PTPRN2: variants seen among roughly 807,000 people sequenced by gnomAD.
PTPRN2 encodes the protein protein tyrosine phosphatase receptor type N2, also known as receptor-type tyrosine-protein phosphatase N2.
PTPRN2 carries 74 observed loss-of-function variants against 118.8 expected under a neutral mutation model. The ratio of observed to expected loss-of-function variants is 0.62; its 90% CI spans 0.52 to 0.76. The LOEUF (loss-of-function observed/expected upper bound fraction) is 0.76. PTPRN2 is among the 30% of genes least tolerant of loss of function. The pLI is 0.00. For missense variants in PTPRN2, 1,481 were observed against 1,394.4 expected (o/e 1.06, Z -0.99); for synonymous variants, 641 against 608.0 (o/e 1.05, Z -0.80).
In PTPRN2 at chr7:157,938,964, A is replaced by C. The variant is rs538104985; in HGVS notation, c.1724-40227T>G. On this transcript the variant is annotated intron_variant, in intron 11 of 22. Transcript: ENST00000389418. The stretch of plus-strand genomic sequence containing the variant: ...AGCAAACTTCTTGTCCATGATCCAC[A>C]CGGGCTACGAGCCCCTGCAGTGCCT... Among the ~76,000 whole-genome samples the C allele has an allele frequency of 9.2e-5, 14 of 152,304 alleles. No homozygotes were observed. In the East Asian group the frequency reaches 2.3e-3, roughly 25 times the overall value.
At chr7:158,392,123 G>A (rs1811974326) in intron 2 of PTPRN2, among the ~76,000 whole-genome samples, 1 of 152,192 alleles carries the variant, frequency 6.6e-6, no homozygotes, top group Non-Finnish European at 1.5e-5. Flanking sequence ...ACAATGGCCA[G>A]GCTGGGGCTT....
At chr7:157,580,626 CCCTGCACACCCCAGCA>C (rs1563230945) in intron 17 of PTPRN2, among the ~76,000 whole-genome samples, 6 of 111,944 alleles carry the variant, frequency 5.4e-5, no homozygotes, top group African/African-American at 1.7e-4. Context: ...ACACCCCAGC[CCCTGCACACCCCAGCA>C]CCTGCACACC....
intron 3 of PTPRN2, among the ~76,000 whole-genome samples, chr7:158,271,485 G>A (rs1586072545): frequency 6.6e-6 from 1 of 152,224 alleles, no homozygotes; most frequent in East Asian, 1.9e-4. Context: ...CCAAAACTGT[G>A]GGACTCTCAG....
intron 13 of PTPRN2, among the ~76,000 whole-genome samples, chr7:157,677,822 T>A (rs537580129): frequency 1.3e-5 from 2 of 152,346 alleles, no homozygotes; most frequent in South Asian, 4.1e-4. Context: ...GGCACCAGCG[T>A]GACAACCATT....
intron 1 of PTPRN2, among the ~76,000 whole-genome samples, chr7:158,514,695 GT>G (rs1459449323): frequency 6.6e-6 from 1 of 152,218 alleles, no homozygotes; most frequent in Non-Finnish European, 1.5e-5. Context: ...GCATGCAGCT[GT>G]TTACTGGAAT....
At chr7:158,460,924 C>T (rs74820107) in intron 2 of PTPRN2, among the ~76,000 whole-genome samples, 2 of 152,346 alleles carry the variant, frequency 1.3e-5, no homozygotes, top group East Asian at 3.9e-4. Context: ...CGTGTGCACG[C>T]TGGCAGCTAG....
intron 9 of PTPRN2, among the ~76,000 whole-genome samples, chr7:158,113,869 G>A (rs1218540067): frequency 2.6e-5 from 4 of 152,162 alleles, no homozygotes; most frequent in Admixed American, 2.6e-4. Context: ...CTGGGGCACA[G>A]GCCGCCTTCC....
At position 158,587,700 on chromosome 7, in the gene PTPRN2, A is replaced by G. The variant is rs1435620795; in HGVS notation, c.-31T>C. 5.1e-6 allele frequency: 6 copies of G among 1,179,792 alleles called. No individual in the cohort carries two copies. Among genetic ancestry groups the G allele is most frequent in the Non-Finnish European group, 6.3e-6 (6 of 955,878 alleles). The allele number at this position is 1,179,792 out of a possible 1,614,324, so 73.1% of individuals were successfully genotyped here. On this transcript the variant is annotated 5_prime_UTR_variant, in exon 1 of 23. The change abolishes an upstream ATG in the 5' untranslated region. Transcript: ENST00000389418. The stretch of plus-strand genomic sequence containing the variant: ...CGGCCTGGCCGGCGGCGCTCAGTCC[A>G]TGGCCGCGCGGGAGGCGGCGGGAGG...
intron 4 of PTPRN2, among the ~76,000 whole-genome samples, chr7:158,197,959 T>C (rs1206121147): frequency 1.3e-5 from 2 of 152,220 alleles, no homozygotes; most frequent in Non-Finnish European, 2.9e-5. Flanking sequence ...CTGATACAGA[T>C]GTAACAGGCA....
intron 3 of PTPRN2, among the ~76,000 whole-genome samples, chr7:158,313,732 A>T (rs1802064043): frequency 6.6e-6 from 1 of 152,212 alleles, no homozygotes; most frequent in African/African-American, 2.4e-5. Context: ...ATTTTCTCTG[A>T]GATGGTTTTC....
rs533773026 is a variant in PTPRN2 at position 158,555,245 on chromosome 7, C to G, written c.112+32313G>C. ...AGTTTTCCATCTTCAGCAGCTCTTACGACTGCAAGATCCCACAGCTGCCTT... is the reference window on the plus strand; with the variant it reads ...AGTTTTCCATCTTCAGCAGCTCTTAGGACTGCAAGATCCCACAGCTGCCTT... On this transcript the variant is annotated intron_variant, in intron 1 of 22. Transcript: ENST00000389418. The surrounding 1 kb of genome is among the most constrained non-coding windows in gnomAD (Gnocchi z 4.7). Among the ~76,000 whole-genome samples the G allele has an allele frequency of 5.9e-5, 9 of 152,238 alleles. No homozygotes were observed. The highest frequency in any genetic ancestry group is 1.3e-4 in the Non-Finnish European group (9 of 68,050).
At chr7:157,981,437 A>G (rs551453070) in intron 11 of PTPRN2, among the ~76,000 whole-genome samples, 4 of 151,996 alleles carry the variant, frequency 2.6e-5, no homozygotes, top group African/African-American at 9.6e-5. Context: ...CTCAACTTCA[A>G]CTAAACCAAT....
chr7:158,422,624 TGCCGGCTTCTGGG>T (rs1392200419), intron 2 of PTPRN2, among the ~76,000 whole-genome samples: 2 of 146,694 alleles, frequency 1.4e-5, no homozygotes, highest in African/African-American at 5.5e-5. Context: ...GGGCTGACGC[TGCCGGCTTCTGGG>T]GCCACCCTTC....
intron 2 of PTPRN2, among the ~76,000 whole-genome samples, chr7:158,323,878 AAC>A (rs200746143): frequency 0.011 from 1,694 of 152,248 alleles, 38 homozygotes; most frequent in African/African-American, 0.038. Flanking sequence ...TGCATGAACC[AAC>A]ACACACATTT....
At chr7:157,638,700 C>T (rs796267471) in intron 14 of PTPRN2, among the ~76,000 whole-genome samples, 6 of 152,352 alleles carry the variant, frequency 3.9e-5, no homozygotes, top group African/African-American at 1.4e-4. Flanking sequence ...CGCTGGCATT[C>T]CCAGGGTTTG....
chr7:157,828,032 G>A (rs1807302270), intron 12 of PTPRN2, among the ~76,000 whole-genome samples: 1 of 152,226 alleles, frequency 6.6e-6, no homozygotes, highest in Non-Finnish European at 1.5e-5. Flanking sequence ...CCCACCGTGG[G>A]ACCTGCCTGC....
chr7:157,819,421 C>T (rs888117133), intron 12 of PTPRN2, among the ~76,000 whole-genome samples: 4 of 152,182 alleles, frequency 2.6e-5, no homozygotes, highest in African/African-American at 4.8e-5. Flanking sequence ...CAGAACGCAA[C>T]ACCAGGGGCT....
At position 158,525,252 on chromosome 7, in the gene PTPRN2, A is replaced by G. The variant is rs544300617; in HGVS notation, c.113-35467T>C. 3.9e-5 allele frequency among the ~76,000 whole-genome samples: 6 copies of G among 152,352 alleles called. No homozygotes were observed. The highest frequency in any genetic ancestry group is 1.4e-4 in the African/African-American group (6 of 41,588). The stretch of plus-strand genomic sequence containing the variant: ...CTCTGGCAAGTAGTCCAGAGGTGAA[A>G]GTTTCTCTATTTTGGAAACTGGGCA... On this transcript the variant is annotated intron_variant, in intron 1 of 22. Transcript: ENST00000389418. The surrounding 1 kb of genome is among the most constrained non-coding windows in gnomAD (Gnocchi z 4.1).
intron 11 of PTPRN2, among the ~76,000 whole-genome samples, chr7:157,923,502 AT>A (rs1307833902): frequency 6.6e-6 from 1 of 152,208 alleles, no homozygotes; most frequent in African/African-American, 2.4e-5. Flanking sequence ...TCCAAAGAAC[AT>A]CATCCCCGTC....
Sources: allele counts gnomAD v4.1 joint callset (sites outside exome capture counted in the v4.1 genomes callset), GRCh38; gene constraint gnomAD v4.1.1; non-coding constraint Gnocchi (gnomAD v3.1); transcripts MANE v1.5; gene names NCBI Gene and HGNC (gene_info 2026-07-23, HGNC 2026-07-21).